The following GAD1 variants were observed in gnomAD, a reference collection of about 807,000 sequenced individuals.
The protein encoded by GAD1 is glutamate decarboxylase 1.
In GAD1, 35 loss-of-function variants were observed where a neutral mutation model predicts 75.2. The observed-to-expected ratio is 0.47, with a 90% CI of 0.36 to 0.62. The LOEUF (loss-of-function observed/expected upper bound fraction) is 0.62. Ranked by LOEUF, GAD1 falls within the 20% of genes least tolerant of loss-of-function variation. The probability of loss-of-function intolerance (pLI) is 0.00; values close to 1 mark genes in which losing one functional copy is unlikely to be tolerated. For missense variants in GAD1, 490 were observed against 758.5 expected (o/e 0.65, Z 4.16); for synonymous variants, 257 against 271.9 (o/e 0.95, Z 0.54).
intron 7 of GAD1, 108 bp from the exon 8 acceptor site, chr2:170,845,398 T>G: frequency 1.0e-6 from 1 of 954,026 alleles, no homozygotes; most frequent in Non-Finnish European, 1.7e-6. Flanking sequence ...GATATTATCC[T>G]TTCGCTTCCT....
In GAD1 at chr2:170,859,991, A is replaced by G. The variant is rs931319856; in HGVS notation, c.*109A>G. The G allele has an allele frequency of 2.6e-5, 25 of 975,908 alleles. No individual in the cohort carries two copies. The highest frequency in any genetic ancestry group is 4.0e-5 in the Admixed American group (2 of 49,956). 60.5% of individuals were successfully genotyped at this position (975,908 alleles called of 1,614,324 possible). Reference sequence around the variant, plus strand: ...ACAGGCCATTTCATTGAGGGAAAACATAATATCTTGAAGAATATTGTTAAA... The same window carrying G: ...ACAGGCCATTTCATTGAGGGAAAACGTAATATCTTGAAGAATATTGTTAAA... On this transcript the variant is annotated 3_prime_UTR_variant, in exon 17 of 17. Transcript: ENST00000358196.
At chr2:170,820,154 C>G (rs990943779) in intron 2 of GAD1, among the ~76,000 whole-genome samples, 10 of 152,140 alleles carry the variant, frequency 6.6e-5, no homozygotes, top group African/African-American at 2.4e-4. Flanking sequence ...ATTTCCCGCT[C>G]CCTTTTGCCG....
intron 12 of GAD1, among the ~76,000 whole-genome samples, chr2:170,850,433 G>A (rs1427344598): frequency 3.3e-5 from 5 of 152,200 alleles, no homozygotes; most frequent in African/African-American, 7.2e-5. Context: ...TAGGCAGTGC[G>A]AGTGGCAAGT....
At chr2:170,827,543 C>A (rs910579871) in intron 3 of GAD1, among the ~76,000 whole-genome samples, 6 of 152,198 alleles carry the variant, frequency 3.9e-5, no homozygotes, top group Non-Finnish European at 7.3e-5. Flanking sequence ...TTTGGCTTAA[C>A]CCTCTTTCCC....
rs972331392 is a variant in GAD1 at position 170,823,717 on chromosome 2, G to A, written c.145+1568G>A. Among the ~76,000 whole-genome samples the A allele has an allele frequency of 6.2e-5, 9 of 144,416 alleles. No individual in the cohort carries two copies. The East Asian group carries it at 1.7e-3, about 27-fold the overall frequency. 94.7% of individuals were successfully genotyped at this position (144,416 alleles called of 152,430 possible). A position where few individuals can be genotyped will look rare whatever the true frequency, so the allele number is the denominator to read the frequency against. On this transcript the variant is annotated intron_variant, in intron 3 of 16. Transcript: ENST00000358196. ...GGCCCGTTTCGCGCCAGGTCCCTTC[G>A]GCGGCCGCAGCGCTCGGCTTCTGCA...
intron 12 of GAD1, among the ~76,000 whole-genome samples, chr2:170,851,239 C>T (rs1159084077): frequency 6.6e-6 from 1 of 152,206 alleles, no homozygotes; most frequent in African/African-American, 2.4e-5. Context: ...TCATTTACTT[C>T]AGACCTTTAG....
Position 170,841,295 on chromosome 2 carries a change from G to C in GAD1, c.639-2750G>C, listed in dbSNP as rs550863105. On this transcript the variant is annotated intron_variant, in intron 6 of 16. Transcript: ENST00000358196. ...ACCCAACCTGGAATCTAGGTTGCAA[G>C]AGAAGAATCTCCTATAGTTCTATAC... Among the ~76,000 whole-genome samples the C allele has an allele frequency of 2.0e-5, 3 of 152,270 alleles. No homozygotes were observed. The South Asian group carries it at 6.2e-4, about 32-fold the overall frequency.
At chr2:170,844,689 T>G (rs988883863) in intron 7 of GAD1, among the ~76,000 whole-genome samples, 1 of 152,230 alleles carries the variant, frequency 6.6e-6, no homozygotes, top group African/African-American at 2.4e-5. Context: ...AATTGATTGA[T>G]TTCAGCCAAA....
At chr2:170,825,461 G>A (rs1371288208) in intron 3 of GAD1, among the ~76,000 whole-genome samples, 3 of 152,226 alleles carry the variant, frequency 2.0e-5, no homozygotes, top group Non-Finnish European at 1.5e-5. Context: ...GCCATAGCTT[G>A]GTGAACAGAG....
chr2:170,852,860 G>A (rs1459367937), intron 13 of GAD1, 68 bp downstream of exon 13: 7 of 1,366,898 alleles, frequency 5.1e-6, no homozygotes, highest in Non-Finnish European at 7.3e-6. Context: ...AGACACACGT[G>A]GGGTCTCTTT....
chr2:170,857,247 T>G (rs963513574), intron 15 of GAD1, 122 bp downstream of exon 15: 18 of 725,018 alleles, frequency 2.5e-5, no homozygotes, highest in Middle Eastern at 2.4e-4. Context: ...TTCAAAATTT[T>G]TATTCTTATA....
rs1181224255 is a variant in GAD1, at chr2:170,845,619, C to G, written c.865C>G (p.Gln289Glu). 1 of 1,612,836 alleles carries G rather than the reference C, an allele frequency of 6.2e-7. No homozygotes were observed. Among genetic ancestry groups the G allele is most frequent in the East Asian group, 2.2e-5 (1 of 44,874 alleles). ...TAAACTGGTCCTCTTCACCTCAGAA[C>G]AGGTGAGTCGGGGATGCTTTCTCAT... ...VPKLVLFTSE[Q>E]SHYSIKKAGA... The change falls in exon 8 of 17, where the codon CAG becomes GAG. Residue 289 changes from glutamine (Q) to glutamate (E), a missense_variant and splice_region_variant. Physicochemically the swap from Gln to Glu is conservative, Grantham distance 29. Around this residue, in one of 3 missense-constraint regions of GAD1, gnomAD observed 324 missense variants for 523.9 expected, o/e 0.62. Coordinates refer to ENST00000358196, the MANE Select transcript of GAD1 (RefSeq NM_000817.3).
intron 3 of GAD1, among the ~76,000 whole-genome samples, chr2:170,824,361 A>G (rs1453573276): frequency 6.7e-6 from 1 of 149,254 alleles, no homozygotes; most frequent in East Asian, 2.0e-4. Context: ...CCCTGGGTCC[A>G]CAGCTCCCTG....
chr2:170,854,550 G>A (rs1474996289), intron 14 of GAD1, among the ~76,000 whole-genome samples: 1 of 152,000 alleles, frequency 6.6e-6, no homozygotes, highest in African/African-American at 2.4e-5. Context: ...ACAGGGGCCC[G>A]CCACTACGCC....
intron 5 of GAD1, among the ~76,000 whole-genome samples, chr2:170,831,791 T>A (rs897994369): frequency 1.4e-5 from 2 of 145,338 alleles, no homozygotes; most frequent in Admixed American, 1.4e-4. Flanking sequence ...TATTATATAT[T>A]ATATATAAAT....
chr2:170,847,597 A>G, intron 10 of GAD1, 79 bp from the exon 11 acceptor site: 1 of 959,416 alleles, frequency 1.0e-6, no homozygotes, highest in Non-Finnish European at 1.7e-6. Context: ...TAAATGTTAC[A>G]CAATTCTTCT....
chr2:170,819,388 G>C (rs1575421621), intron 2 of GAD1, among the ~76,000 whole-genome samples: 2 of 152,012 alleles, frequency 1.3e-5, no homozygotes, highest in Admixed American at 1.3e-4. Flanking sequence ...ATCATAGAGA[G>C]GAGAGAGCAC....
Position 170,818,514 on chromosome 2 carries a change from C to A in GAD1, c.-63-15C>A. The A allele has an allele frequency of 2.2e-6, 3 of 1,362,960 alleles. No individual in the cohort carries two copies. Among genetic ancestry groups the A allele is most frequent in the Non-Finnish European group, 3.2e-6 (3 of 951,318 alleles). 84.4% of individuals were successfully genotyped at this position (1,362,960 alleles called of 1,614,324 possible). A position where few individuals can be genotyped will look rare whatever the true frequency, so the allele number is the denominator to read the frequency against. ...CCGGAAGTCCTCCCCGCACAGCTCTCGCTTCTCTTTGCAGCCTGTTTCTGC... is the reference window on the plus strand; with the variant it reads ...CCGGAAGTCCTCCCCGCACAGCTCTAGCTTCTCTTTGCAGCCTGTTTCTGC... On this transcript the variant is annotated splice_polypyrimidine_tract_variant and intron_variant, in intron 1 of 16. Transcript: ENST00000358196. This position sits in a 1 kb window ranked among gnomAD's most constrained non-coding sequence, Gnocchi z 5.9.
At chr2:170,852,830 G>A (rs752882538) in intron 13 of GAD1, 38 bp downstream of exon 13, 18 of 1,579,260 alleles carry the variant, frequency 1.1e-5, no homozygotes, top group East Asian at 4.5e-5. Context: ...GGGCCCGTAC[G>A]TTCTTTAGAA....
Sources: allele counts gnomAD v4.1 joint callset (sites outside exome capture counted in the v4.1 genomes callset), GRCh38; gene constraint gnomAD v4.1.1; regional missense constraint gnomAD v4.1.1; non-coding constraint Gnocchi (gnomAD v3.1); transcripts MANE v1.5; gene names NCBI Gene and HGNC (gene_info 2026-07-23, HGNC 2026-07-21).